HACL1: variants seen among roughly 807,000 people sequenced by gnomAD.
The protein encoded by HACL1 is 1600020H07Rik.
Under a neutral mutation model 74.2 loss-of-function variants are expected in HACL1, and 64 were observed. The ratio of observed to expected loss-of-function variants is 0.86; its 90% CI spans 0.70 to 1.06. The LOEUF is 1.06. HACL1 is among the 50% of genes least tolerant of loss of function. The pLI, the probability that HACL1 is intolerant of heterozygous loss-of-function variation, is 0.00. For missense variants in HACL1, 728 were observed against 719.7 expected, an observed-to-expected ratio of 1.01 and a Z score of -0.13; for synonymous variants, 230 against 238.8, an observed-to-expected ratio of 0.96 and a Z score of 0.34.
chr3:15,571,708 GT>G lies in HACL1; in HGVS notation c.1054del (p.Thr352LeufsTer2). 6.5e-7 allele frequency: 1 copy of G among 1,540,028 alleles called. No homozygotes were observed. Among genetic ancestry groups the G allele is most frequent in the Non-Finnish European group, 8.9e-7 (1 of 1,120,264 alleles). ...QYPPESKWWK[T>X]LREKMKSNEA... Reference sequence around the variant, plus strand: ...ATTGCTCTTCATTTTTTCTCTCAGAGTTTTCCACCACTTGCTCTCTGGAGGA... The same window carrying G: ...ATTGCTCTTCATTTTTTCTCTCAGAGTTTCCACCACTTGCTCTCTGGAGGA... On this transcript the variant is annotated frameshift_variant, in exon 12 of 17. Transcript: ENST00000321169. LOFTEE classifies it high-confidence loss of function.
intron 14 of HACL1, among the ~76,000 whole-genome samples, chr3:15,567,052 T>TCA (rs1401706299): frequency 6.6e-6 from 1 of 151,896 alleles, no homozygotes; most frequent in African/African-American, 2.4e-5. Context: ...ACTCCTGACC[T>TCA]CAGGTGATCT....
intron 3 of HACL1, among the ~76,000 whole-genome samples, chr3:15,592,073 CGT>C (rs1559560725): frequency 1.9e-3 from 27 of 14,168 alleles, no homozygotes; most frequent in African/African-American, 4.6e-3. Flanking sequence ...TACGTATATA[CGT>C]ATACGTATAT....
chr3:15,579,192 C>A (rs2063680193), intron 9 of HACL1, among the ~76,000 whole-genome samples: 1 of 152,018 alleles, frequency 6.6e-6, no homozygotes, highest in African/African-American at 2.4e-5. Context: ...ATACAATATC[C>A]AAAAATCCAG....
intron 11 of HACL1, 54 bp downstream of exon 11, chr3:15,573,105 G>C (rs369392657): frequency 2.1e-6 from 2 of 939,298 alleles, no homozygotes; most frequent in African/African-American, 1.6e-5. Context: ...ACATTTTCAA[G>C]AATTGACTAT....
At position 15,591,592 on chromosome 3, in the gene HACL1, G is replaced by A. The variant is rs780418428; in HGVS notation, c.308+8C>T. On this transcript the variant is annotated splice_region_variant and intron_variant, in intron 4 of 16. Coordinates refer to ENST00000321169, the MANE Select transcript of HACL1 (RefSeq NM_012260.4). ...AGAAAATGTTTTCAGTAATAATAAT[G>A]TCATTACCAGCAGTTCATGTTTGCA... The A allele has an allele frequency of 6.6e-7, 1 of 1,526,430 alleles. No individual in the cohort carries two copies. The highest frequency in any genetic ancestry group is 1.4e-5 in the African/African-American group (1 of 73,288). The allele number at this position is 1,526,430 out of a possible 1,614,324, so 94.6% of individuals were successfully genotyped here.
chr3:15,592,066 G>A (rs913517322), intron 3 of HACL1, among the ~76,000 whole-genome samples: 8 of 14,990 alleles, frequency 5.3e-4, no homozygotes, highest in African/African-American at 1.2e-3. Context: ...GTATATATAC[G>A]TATATACGTA....
At chr3:15,591,305 ACT>A (rs929524074) in intron 4 of HACL1, among the ~76,000 whole-genome samples, 4 of 152,004 alleles carry the variant, frequency 2.6e-5, no homozygotes, top group African/African-American at 7.2e-5. Context: ...CCTAAAATTT[ACT>A]CTCTTTGCAA....
intron 6 of HACL1, among the ~76,000 whole-genome samples, chr3:15,585,727 C>A (rs1006918267): frequency 1.3e-5 from 2 of 152,168 alleles, no homozygotes; most frequent in African/African-American, 4.8e-5. Context: ...CAAATGGTTT[C>A]TGTAACTCCT....
intron 4 of HACL1, 66 bp downstream of exon 4, chr3:15,591,534 T>C (rs2063893968): frequency 1.1e-6 from 1 of 905,064 alleles, no homozygotes; most frequent in African/African-American, 1.6e-5. Context: ...CAGCATTAGC[T>C]CTACTCAGTA....
At chr3:15,565,012 A>G (rs2063408918) in intron 14 of HACL1, among the ~76,000 whole-genome samples, 2 of 152,086 alleles carry the variant, frequency 1.3e-5, no homozygotes, top group African/African-American at 2.4e-5. Flanking sequence ...TAAAAATACA[A>G]AAATTAGCTG....
At chr3:15,596,532 A>C (rs772294348) in intron 2 of HACL1, 108 bp from the exon 3 acceptor site, 76 of 670,792 alleles carry the variant, frequency 1.1e-4, no homozygotes, top group Non-Finnish European at 2.0e-4. Context: ...TAAAGGCAGA[A>C]TTAAAATATT....
At chr3:15,565,015 A>C (rs2063408952) in intron 14 of HACL1, among the ~76,000 whole-genome samples, 1 of 152,088 alleles carries the variant, frequency 6.6e-6, no homozygotes, top group Non-Finnish European at 1.5e-5. Context: ...AAATACAAAA[A>C]TTAGCTGTGC....
intron 10 of HACL1, among the ~76,000 whole-genome samples, chr3:15,574,172 C>T (rs897835476): frequency 2.0e-5 from 3 of 152,160 alleles, no homozygotes; most frequent in African/African-American, 7.2e-5. Context: ...TTGCTGAGAC[C>T]AGCCTGGGCA....
Position 15,591,625 on chromosome 3 carries a change from T to C in HACL1, c.283A>G (p.Met95Val), listed in dbSNP as rs938218368. Residue 95 changes from methionine (M) to valine (V), a missense_variant, in exon 4 of 17, where the codon ATG (methionine) becomes GTG (valine). Coordinates refer to ENST00000321169, the MANE Select transcript of HACL1 (RefSeq NM_012260.4). ...CAGCAGTTCATGTTTGCATTTGCCA[T>C]ACCGCCCAAGGCATGGATGAGACCT... The part of the protein sequence containing the change: ...GPGLIHALGG[M>V]ANANMNCWPL... 1.2e-6 allele frequency: 2 copies of C among 1,609,382 alleles called. No individual in the cohort carries two copies. Among genetic ancestry groups the C allele is most frequent in the Admixed American group, 3.3e-5 (2 of 59,974 alleles).
chr3:15,561,184 G>A (rs1361605733), intron 16 of HACL1, among the ~76,000 whole-genome samples: 1 of 152,250 alleles, frequency 6.6e-6, no homozygotes, highest in Non-Finnish European at 1.5e-5. Context: ...CTCAGAAGGA[G>A]AAGGGAGATG....
At chr3:15,589,965 G>A (rs2063860705) in intron 4 of HACL1, among the ~76,000 whole-genome samples, 1 of 152,082 alleles carries the variant, frequency 6.6e-6, no homozygotes, top group African/African-American at 2.4e-5. Flanking sequence ...AACCTGGGAA[G>A]CAGAGGTTAC....
Position 15,581,803 on chromosome 3 carries a change from T to C in HACL1, c.667+1074A>G, listed in dbSNP as rs560627580. On this transcript the variant is annotated intron_variant, in intron 8 of 16. Transcript: ENST00000321169. The stretch of plus-strand genomic sequence containing the variant: ...CCTCCCCAATAGGTAGGAACCACTA[T>C]TTCTCTGTATCCCTCATGAATGTTT... Among the ~76,000 whole-genome samples, 5 of 152,342 alleles carry C rather than the reference T, an allele frequency of 3.3e-5. No homozygotes were observed. In the South Asian group the frequency reaches 8.3e-4, roughly 25 times the overall value.
intron 9 of HACL1, among the ~76,000 whole-genome samples, chr3:15,578,980 CCT>C (rs565603749): frequency 6.0e-4 from 92 of 152,314 alleles, no homozygotes; most frequent in Non-Finnish European, 1.2e-3. Flanking sequence ...GGGGCTCACC[CCT>C]GAGCTGGACA....
Position 15,568,453 on chromosome 3 carries a change from T to C in HACL1, c.1229A>G (p.Gln410Arg). The change falls in exon 13 of 17, where the codon CAG becomes CGG. Residue 410 changes from glutamine (Q) to arginine (R), a missense_variant. Coordinates refer to ENST00000321169, the MANE Select transcript of HACL1 (RefSeq NM_012260.4). ...NTMDIGRTVL[Q>R]NYLPRHRLDA... ...TTACCTGTGACGAGGAAGGTAGTTC[T>C]GAAGCACAGTCCGTCCAATGTCCAT... is the stretch of plus-strand genomic sequence containing the variant. 1 of 1,598,324 alleles carries C rather than the reference T, an allele frequency of 6.3e-7. No homozygotes were observed. The highest frequency in any genetic ancestry group is 8.5e-7 in the Non-Finnish European group (1 of 1,171,850).
Sources: gnomAD v4.1 joint callset for allele counts (sites outside exome capture counted in the v4.1 genomes callset) on GRCh38, gnomAD v4.1.1 for gene constraint, MANE v1.5 for transcripts, NCBI Gene and HGNC (gene_info 2026-07-23, HGNC 2026-07-21) for gene names.